Variants in RASAL2 observed in about 807,000 individuals in gnomAD.
RASAL2 encodes the protein RAS protein activator like 2, also known as ras GTPase-activating protein nGAP.
RASAL2 carries 58 observed loss-of-function variants against 128.9 expected under a neutral mutation model. That is an observed-to-expected ratio of 0.45 (90% CI 0.36 to 0.56). RASAL2 has a LOEUF of 0.56. RASAL2 is among the 20% of genes least tolerant of loss of function. The pLI is 0.00. For synonymous variants in RASAL2, 561 were observed against 580.8 expected, an observed-to-expected ratio of 0.97 and a Z score of 0.49; for missense variants, 1,360 against 1,601.6, an observed-to-expected ratio of 0.85 and a Z score of 2.57.
intron 1 of RASAL2, among the ~76,000 whole-genome samples, chr1:178,199,849 A>G (rs534275635): frequency 6.6e-6 from 1 of 152,292 alleles, no homozygotes; most frequent in Admixed American, 6.5e-5. Context: ...AGGCAGACCA[A>G]CCCTCAATCT....
intron 1 of RASAL2, among the ~76,000 whole-genome samples, chr1:178,138,984 T>C (rs975922115): frequency 3.9e-5 from 6 of 152,086 alleles, no homozygotes; most frequent in Admixed American, 6.5e-5. Flanking sequence ...GCATGTTTTA[T>C]TGGACATTTT....
chr1:178,164,271 C>T (rs946311656), intron 1 of RASAL2, among the ~76,000 whole-genome samples: 4 of 152,042 alleles, frequency 2.6e-5, no homozygotes, highest in Admixed American at 6.6e-5. Flanking sequence ...GTCAAAAATG[C>T]GGCACTTTTC....
chr1:178,405,160 T>C (rs1194334704), intron 4 of RASAL2, among the ~76,000 whole-genome samples: 1 of 152,202 alleles, frequency 6.6e-6, no homozygotes, highest in Non-Finnish European at 1.5e-5. Flanking sequence ...AGATTACATA[T>C]ACACTTACCT....
chr1:178,246,219 T>C (rs1473277551), intron 1 of RASAL2, among the ~76,000 whole-genome samples: 5 of 152,228 alleles, frequency 3.3e-5, no homozygotes, highest in Non-Finnish European at 7.3e-5. Context: ...TTTTTCCATT[T>C]GTTTTTGTCC....
At chr1:178,233,331 A>G (rs1209713161) in intron 1 of RASAL2, among the ~76,000 whole-genome samples, 1 of 152,226 alleles carries the variant, frequency 6.6e-6, no homozygotes, top group Non-Finnish European at 1.5e-5. Context: ...TTGTCCTCCA[A>G]GCTATCGAAG....
Position 178,356,004 on chromosome 1 carries a change from A to C in RASAL2, c.458-34096A>C, listed in dbSNP as rs771583265. 7.4e-4 allele frequency among the ~76,000 whole-genome samples: 112 copies of C among 152,066 alleles called. 1 individual carries two copies. Among genetic ancestry groups the C allele is most frequent in the Non-Finnish European group, 7.8e-4 (53 of 67,998 alleles). On this transcript the variant is annotated intron_variant, in intron 3 of 17. Coordinates refer to ENST00000367649, the MANE Select transcript of RASAL2 (RefSeq NM_170692.4). Reference sequence around the variant, plus strand: ...GCCAGGATGGCGAAACCCCATCTCTACTGAAAATACAAAAAATTAGCCGGG... The same window carrying C: ...GCCAGGATGGCGAAACCCCATCTCTCCTGAAAATACAAAAAATTAGCCGGG...
chr1:178,162,381 A>T (rs1339067457), intron 1 of RASAL2, among the ~76,000 whole-genome samples: 1 of 114,364 alleles, frequency 8.7e-6, no homozygotes, highest in South Asian at 2.3e-4. Flanking sequence ...ATATATATTT[A>T]TATATTATAT....
intron 2 of RASAL2, among the ~76,000 whole-genome samples, chr1:178,290,832 C>A (rs139043942): frequency 6.6e-6 from 1 of 151,836 alleles, no homozygotes; most frequent in East Asian, 1.9e-4. Context: ...CCCACCACCA[C>A]GCACGGCTAA....
chr1:178,171,083 C>T (rs1435536193), intron 1 of RASAL2, among the ~76,000 whole-genome samples: 2 of 151,824 alleles, frequency 1.3e-5, no homozygotes, highest in East Asian at 3.9e-4. Flanking sequence ...ACTTATACAC[C>T]ATTCCACGTG....
intron 4 of RASAL2, among the ~76,000 whole-genome samples, chr1:178,400,506 A>G (rs1673551307): frequency 6.6e-6 from 1 of 152,112 alleles, no homozygotes; most frequent in Non-Finnish European, 1.5e-5. Context: ...TGCCTTCCCT[A>G]GTCTGTGATA....
intron 1 of RASAL2, among the ~76,000 whole-genome samples, chr1:178,241,616 G>T (rs980657461): frequency 1.6e-4 from 25 of 152,178 alleles, no homozygotes; most frequent in Admixed American, 1.6e-3. Context: ...TGAGCATCAG[G>T]ATTAAATAAC....
chr1:178,159,127 T>A (rs1167937044), intron 1 of RASAL2, among the ~76,000 whole-genome samples: 1 of 152,214 alleles, frequency 6.6e-6, no homozygotes. Flanking sequence ...AATAAAATAG[T>A]CTTAAAAGTG....
chr1:178,099,576 GA>G (rs1658816044), intron 1 of RASAL2, among the ~76,000 whole-genome samples: 1 of 152,180 alleles, frequency 6.6e-6, no homozygotes, highest in Non-Finnish European at 1.5e-5. Flanking sequence ...TTCAAACAGT[GA>G]AAATATTTTT....
At chr1:178,130,083 G>A (rs747814672) in intron 1 of RASAL2, among the ~76,000 whole-genome samples, 1 of 152,048 alleles carries the variant, frequency 6.6e-6, no homozygotes, top group Non-Finnish European at 1.5e-5. Context: ...TATAGAACAG[G>A]TCTTTTCCGT....
intron 11 of RASAL2, among the ~76,000 whole-genome samples, chr1:178,453,920 A>G (rs566912251): frequency 6.6e-6 from 1 of 152,190 alleles, no homozygotes; most frequent in East Asian, 1.9e-4. Flanking sequence ...AAATATACAT[A>G]TTTATCGATA....
At chr1:178,219,738 T>G (rs1436590843) in intron 1 of RASAL2, among the ~76,000 whole-genome samples, 1 of 152,204 alleles carries the variant, frequency 6.6e-6, no homozygotes, top group African/African-American at 2.4e-5. Flanking sequence ...TTGTTTTGCC[T>G]TCCTCACTAA....
At chr1:178,220,371 G>T (rs904413867) in intron 1 of RASAL2, among the ~76,000 whole-genome samples, 2 of 152,070 alleles carry the variant, frequency 1.3e-5, no homozygotes, top group Non-Finnish European at 2.9e-5. Context: ...ACACATAAGG[G>T]TTTATTGGTT....
chr1:178,259,958 T>C (rs1427110729), intron 1 of RASAL2, among the ~76,000 whole-genome samples: 1 of 152,198 alleles, frequency 6.6e-6, no homozygotes, highest in Non-Finnish European at 1.5e-5. Context: ...ACAGTTTGAA[T>C]TACTGAAAAA....
At chr1:178,164,833 G>T (rs1661466129) in intron 1 of RASAL2, among the ~76,000 whole-genome samples, 1 of 147,758 alleles carries the variant, frequency 6.8e-6, no homozygotes, top group Non-Finnish European at 1.5e-5. Flanking sequence ...TTGTGTGTGT[G>T]TGTGTGTGTG....
Sources: gnomAD v4.1 joint callset for allele counts (sites outside exome capture counted in the v4.1 genomes callset) on GRCh38, gnomAD v4.1.1 for gene constraint, MANE v1.5 for transcripts, NCBI Gene and HGNC (gene_info 2026-07-23, HGNC 2026-07-21) for gene names.